The following MLXIPL variants were observed in gnomAD, a reference collection of about 807,000 sequenced individuals.
The protein encoded by MLXIPL is carbohydrate-responsive element-binding protein.
In MLXIPL, 49 loss-of-function variants were observed where a neutral mutation model predicts 81.5. The observed-to-expected ratio is 0.60, with a 90% CI of 0.48 to 0.76. The LOEUF (loss-of-function observed/expected upper bound fraction) is 0.76, where lower values mean the gene tolerates loss of function less well. MLXIPL is among the 30% of genes least tolerant of loss of function. The pLI is 0.00. For synonymous variants in MLXIPL, 466 were observed against 485.5 expected (o/e 0.96, Z 0.53); for missense variants, 1,053 against 1,167.0 (o/e 0.90, Z 1.42).
chr7:73,630,467 A>G, the MLXIPL span, among the ~76,000 whole-genome samples: 2 of 150,902 alleles, frequency 1.3e-5, no homozygotes, highest in Non-Finnish European at 3.0e-5. Flanking sequence ...TAATTTTTGT[A>G]TTTTTTGTAG....
At chr7:73,624,709 C>T (rs564034983), upstream of MLXIPL, 1 of 594,882 alleles carries the variant, frequency 1.7e-6, no homozygotes, top group Non-Finnish European at 2.1e-6. Context: ...TCTCCCTTCC[C>T]GTCTTTCCTT....
upstream of MLXIPL, among the ~76,000 whole-genome samples, chr7:73,627,972 GCTTT>G (rs150402439): frequency 0.11 from 16,043 of 152,058 alleles, 934 homozygotes; most frequent in Middle Eastern, 0.14. Context: ...CAAACTCAGT[GCTTT>G]CTTTCTTTCT....
chr7:73,615,013 C>G (rs563268129), intron 2 of MLXIPL, among the ~76,000 whole-genome samples: 1 of 152,154 alleles, frequency 6.6e-6, no homozygotes, highest in South Asian at 2.1e-4. Flanking sequence ...GGTTTCACTG[C>G]GTTAGGCAGG....
At chr7:73,614,649 C>T (rs1452446868) in intron 2 of MLXIPL, among the ~76,000 whole-genome samples, 6 of 152,152 alleles carry the variant, frequency 3.9e-5, no homozygotes, top group Non-Finnish European at 1.5e-5. Flanking sequence ...CTCTGCTGCC[C>T]TGCCATGGGG....
intron 7 of MLXIPL, among the ~76,000 whole-genome samples, chr7:73,602,548 C>T (rs1309166850): frequency 6.6e-5 from 10 of 151,274 alleles, no homozygotes; most frequent in East Asian, 3.9e-4. Flanking sequence ...GGCGTGGTGG[C>T]GGGCGCCTGT....
At chr7:73,612,379 G>A (rs374561593) in intron 2 of MLXIPL, among the ~76,000 whole-genome samples, 9 of 151,942 alleles carry the variant, frequency 5.9e-5, no homozygotes, top group East Asian at 1.9e-4. Context: ...GGTGGCTCAC[G>A]CCTGTAATCC....
chr7:73,611,356 C>T (rs797027168), intron 2 of MLXIPL: 3 of 152,340 alleles, frequency 2.0e-5, no homozygotes, highest in African/African-American at 7.2e-5. Context: ...TAGAGGCAAC[C>T]TGAGACTTTT....
chr7:73,647,816 GGGCGGGC>G, the MLXIPL span, among the ~76,000 whole-genome samples: 22 of 151,184 alleles, frequency 1.5e-4, no homozygotes, highest in South Asian at 1.0e-3. Flanking sequence ...GCGCGGCCAG[GGGCGGGC>G]GGCGGGCGGC....
At chr7:73,647,574 C>G in the MLXIPL span, among the ~76,000 whole-genome samples, 1 of 152,168 alleles carries the variant, frequency 6.6e-6, no homozygotes, top group Admixed American at 6.5e-5. Context: ...CCCTGGGGTA[C>G]GAGTTTGCCT....
chr7:73,626,288 C>T (rs908694264), upstream of MLXIPL, among the ~76,000 whole-genome samples: 3 of 148,866 alleles, frequency 2.0e-5, no homozygotes, highest in East Asian at 2.0e-4. Flanking sequence ...TCCAGGCATG[C>T]GCCACCGTGC....
At chr7:73,600,350 A>C (rs1554595750) in intron 7 of MLXIPL, among the ~76,000 whole-genome samples, 1 of 57,916 alleles carries the variant, frequency 1.7e-5, no homozygotes, top group African/African-American at 7.1e-5. Context: ...CAAGAGGGAG[A>C]TATGGGTGGG....
the MLXIPL span, among the ~76,000 whole-genome samples, chr7:73,647,165 C>G: frequency 6.6e-6 from 1 of 152,176 alleles, no homozygotes; most frequent in Non-Finnish European, 1.5e-5. Context: ...GGGAGGAAGC[C>G]CTGGCTTTCC....
intron 15 of MLXIPL, 53 bp from the exon 16 acceptor site, chr7:73,594,456 G>GT: frequency 6.3e-7 from 1 of 1,598,106 alleles, no homozygotes; most frequent in Non-Finnish European, 8.5e-7. Context: ...CCCACACCAC[G>GT]TGGAGCCCTG....
intron 1 of MLXIPL, 68 bp downstream of exon 1, chr7:73,624,132 C>A: frequency 6.7e-7 from 1 of 1,487,410 alleles, no homozygotes; most frequent in Non-Finnish European, 9.0e-7. Context: ...AGCGCGCAGT[C>A]CTGCCCCGGA....
At chr7:73,617,617 G>A (rs1554601069) in intron 1 of MLXIPL, among the ~76,000 whole-genome samples, 1 of 152,144 alleles carries the variant, frequency 6.6e-6, no homozygotes, top group Non-Finnish European at 1.5e-5. Flanking sequence ...GGCCAAGGCG[G>A]GAGGATCGCT....
chr7:73,602,130 G>GCCTGCCTGCCTGCCTT (rs1461829446), intron 7 of MLXIPL, among the ~76,000 whole-genome samples: 1 of 80,554 alleles, frequency 1.2e-5, no homozygotes, highest in Non-Finnish European at 2.4e-5. Context: ...CTGCCTGCCT[G>GCCTGCCTGCCTGCCTT]CCTTCCTTCC....
the MLXIPL span, among the ~76,000 whole-genome samples, chr7:73,643,729 AGGT>A: frequency 6.6e-6 from 1 of 152,150 alleles, no homozygotes; most frequent in East Asian, 1.9e-4. Context: ...GCTAATCAGC[AGGT>A]ACTAGGACAG....
At chr7:73,647,184 C>T in the MLXIPL span, among the ~76,000 whole-genome samples, 1,340 of 152,278 alleles carry the variant, frequency 8.8e-3, 8 homozygotes, top group Middle Eastern at 0.02. Context: ...CCCCCCTGGG[C>T]AGAGCAGCAG....
chr7:73,623,851 C>A lies in MLXIPL; in HGVS notation c.293+349G>T, dbSNP rs1394650344. On this transcript the variant is annotated intron_variant, in intron 1 of 16. Transcript: ENST00000313375. The surrounding 1 kb of genome is among the most constrained non-coding windows in gnomAD (Gnocchi z 5.7). ...GGATGGGCGCGGGTGGCCTAGGGAC[C>A]AGGGGCGCCTGGCATTTTTGTAGGG... Among the ~76,000 whole-genome samples the A allele has an allele frequency of 6.6e-6, 1 of 151,756 alleles. No individual in the cohort carries two copies. The highest frequency in any genetic ancestry group is 2.4e-5 in the African/African-American group (1 of 41,310).
Sources: gnomAD v4.1 joint callset for allele counts (sites outside exome capture counted in the v4.1 genomes callset) on GRCh38, gnomAD v4.1.1 for gene constraint, Gnocchi (gnomAD v3.1) non-coding constraint, MANE v1.5 for transcripts, NCBI Gene and HGNC (gene_info 2026-07-23, HGNC 2026-07-21) for gene names.